Variants in ATAD3B observed in about 807,000 individuals in gnomAD.
ATAD3B encodes the protein ATPase family AAA domain-containing protein 3B.
Under a neutral mutation model 70.2 loss-of-function variants are expected in ATAD3B, and 59 were observed. The ratio of observed to expected loss-of-function variants is 0.84; its 90% CI spans 0.68 to 1.04. ATAD3B has a LOEUF of 1.04. Ranked by LOEUF, ATAD3B falls within the 50% of genes least tolerant of loss-of-function variation. The pLI is 0.00. For synonymous variants in ATAD3B, 423 were observed against 388.6 expected (o/e 1.09, Z -1.04); for missense variants, 961 against 913.4 (o/e 1.05, Z -0.67).
At position 1,495,994 on chromosome 1, in the gene ATAD3B, T is replaced by A. The variant is rs978398900; in HGVS notation, c.*177T>A. On this transcript the variant is annotated 3_prime_UTR_variant, in exon 16 of 16. Coordinates refer to ENST00000673477, the MANE Select transcript of ATAD3B (RefSeq NM_031921.6). ...GGCAGAAGGAGTGGGGCAGGCGGGG[T>A]CTTTGTTCTCGGCTCCCACAGCAGA... 7.4e-7 allele frequency: 1 copy of A among 1,353,790 alleles called. No homozygotes were observed. Among genetic ancestry groups the A allele is most frequent in the Admixed American group, 3.2e-5 (1 of 31,484 alleles). 83.9% of individuals were successfully genotyped at this position (1,353,790 alleles called of 1,614,324 possible). A position where few individuals can be genotyped will look rare whatever the true frequency, so the allele number is the denominator to read the frequency against.
downstream of ATAD3B, among the ~76,000 whole-genome samples, chr1:1,498,167 G>A (rs1640848263): frequency 6.6e-6 from 1 of 151,954 alleles, no homozygotes; most frequent in Admixed American, 6.6e-5. Flanking sequence ...AGCCGGCATG[G>A]TGGTAGGTGA....
chr1:1,493,678 A>G (rs998518108), intron 15 of ATAD3B, among the ~76,000 whole-genome samples: 1 of 151,756 alleles, frequency 6.6e-6, no homozygotes, highest in African/African-American at 2.4e-5. Context: ...CTTTTCCTGC[A>G]TGAGATGAGA....
rs1463367426 is a variant in ATAD3B at position 1,497,032 on chromosome 1, C to T, written c.*1215C>T. 6.7e-6 allele frequency: 1 copy of T among 148,670 alleles called. No homozygotes were observed. Among genetic ancestry groups the T allele is most frequent in the Non-Finnish European group, 1.5e-5 (1 of 67,514 alleles). The allele number at this position is 148,670 out of a possible 1,614,324, so 9.2% of individuals were successfully genotyped here. ...GGTCGATGAAACAATGCTTTCTGAA[C>T]TTTGTGTCCTTAGGAAGGGTGTAGG... On this transcript the variant is annotated 3_prime_UTR_variant, in exon 16 of 16. Coordinates refer to ENST00000673477, the MANE Select transcript of ATAD3B (RefSeq NM_031921.6).
At chr1:1,492,426 C>T (rs994398162) in intron 15 of ATAD3B, among the ~76,000 whole-genome samples, 13 of 151,850 alleles carry the variant, frequency 8.6e-5, no homozygotes, top group South Asian at 8.4e-4. Flanking sequence ...GCAGAGGATG[C>T]GGTGAGCTGA....
At chr1:1,482,676 G>T in intron 7 of ATAD3B, 62 bp downstream of exon 7, 1 of 1,610,022 alleles carries the variant, frequency 6.2e-7, no homozygotes, top group Non-Finnish European at 8.5e-7. Flanking sequence ...GGGGCCTCCT[G>T]GAGCCCCAGG....
Position 1,496,344 on chromosome 1 carries a change from A to G in ATAD3B, c.*527A>G. The G allele has an allele frequency of 1.3e-6, 1 of 750,816 alleles. No individual in the cohort carries two copies. Among genetic ancestry groups the G allele is most frequent in the Non-Finnish European group, 1.6e-6 (1 of 615,256 alleles). The allele number at this position is 750,816 out of a possible 1,614,324, so 46.5% of individuals were successfully genotyped here. A position where few individuals can be genotyped will look rare whatever the true frequency, so the allele number is the denominator to read the frequency against. On this transcript the variant is annotated 3_prime_UTR_variant, in exon 16 of 16. Coordinates refer to ENST00000673477, the MANE Select transcript of ATAD3B (RefSeq NM_031921.6). ...ATCACAGAGCGGTGTGCTTCACATC[A>G]GCCTCGCGCCACATCCGAGTTGGGG...
the ATAD3B span, chr1:1,503,441 G>T: frequency 4.2e-5 from 30 of 716,612 alleles, no homozygotes; most frequent in African/African-American, 5.3e-4. Context: ...GGTCTGACTA[G>T]GAAGGAGGAT....
In ATAD3B at chr1:1,482,875, G is replaced by A. The variant is rs910986446; in HGVS notation, c.750+261G>A. On this transcript the variant is annotated intron_variant, in intron 7 of 15. Transcript: ENST00000673477. ...AACATTAGCTGGGTGTGATGGTGGC[G>A]CCTGTGGTCCTGCTACTCGAGAGGC... Among the ~76,000 whole-genome samples the A allele has an allele frequency of 5.0e-4, 76 of 151,804 alleles. 1 individual carries two copies. The highest frequency in any genetic ancestry group is 2.5e-3 in the Admixed American group (38 of 15,212).
intron 1 of ATAD3B, among the ~76,000 whole-genome samples, chr1:1,473,683 A>T (rs1639447107): frequency 6.6e-6 from 1 of 150,896 alleles, no homozygotes; most frequent in South Asian, 2.1e-4. Flanking sequence ...TTTAGTAGAG[A>T]CGTGGTTTCA....
rs1197052474 is a variant in ATAD3B at position 1,484,762 on chromosome 1, A to G, written c.751-254A>G. 9.5e-6 allele frequency: 10 copies of G among 1,055,048 alleles called. No individual in the cohort carries two copies. The East Asian group carries it at 1.7e-4, about 18-fold the overall frequency. The allele number at this position is 1,055,048 out of a possible 1,614,324, so 65.4% of individuals were successfully genotyped here. ...TGCCCAGGGCCCCGCTCAGCGACCG[A>G]GGCTTTCTAGGATTTATGCTGCCAG... On this transcript the variant is annotated intron_variant, in intron 7 of 15. Transcript: ENST00000673477.
chr1:1,484,097 A>C (rs1000060324), intron 7 of ATAD3B: 2 of 152,138 alleles, frequency 1.3e-5, no homozygotes, highest in African/African-American at 4.8e-5. Context: ...AAACGAGAGA[A>C]GAATCTGAAC....
In ATAD3B at chr1:1,478,104, C is replaced by CT. The variant is rs1639693016; in HGVS notation, c.283-539dup. 4 of 199,768 alleles carry CT rather than the reference C, an allele frequency of 2.0e-5. No individual in the cohort carries two copies. In the East Asian group the frequency reaches 5.1e-4, roughly 25 times the overall value. The allele number at this position is 199,768 out of a possible 1,614,324, so 12.4% of individuals were successfully genotyped here. ...GCAACCTCCACCTCCCGGGTTCAAC[C>CT]TCCTGCCTCAGCCTTCCGAGCAGCT... On this transcript the variant is annotated intron_variant, in intron 2 of 15. Coordinates refer to ENST00000673477, the MANE Select transcript of ATAD3B (RefSeq NM_031921.6).
At chr1:1,499,311 A>G (rs1443497230), downstream of ATAD3B, among the ~76,000 whole-genome samples, 2 of 104,086 alleles carry the variant, frequency 1.9e-5, no homozygotes, top group African/African-American at 7.9e-5. Flanking sequence ...GTCTCGGCTT[A>G]CTGTAACTTC....
At chr1:1,504,437 G>A in the ATAD3B span, among the ~76,000 whole-genome samples, 5 of 152,004 alleles carry the variant, frequency 3.3e-5, no homozygotes, top group East Asian at 7.9e-4. Flanking sequence ...ATCATCTGAG[G>A]TTGGGAGTTC....
At chr1:1,483,284 T>C (rs1478841993) in intron 7 of ATAD3B, among the ~76,000 whole-genome samples, 2 of 151,522 alleles carry the variant, frequency 1.3e-5, no homozygotes, top group Non-Finnish European at 2.9e-5. Flanking sequence ...ATGACCAACA[T>C]GGTGAAACCC....
the ATAD3B span, among the ~76,000 whole-genome samples, chr1:1,508,579 G>A: frequency 2.5e-3 from 378 of 151,562 alleles, 2 homozygotes; most frequent in Admixed American, 4.6e-3. Flanking sequence ...TCCCTTTGGG[G>A]ACTCCATGCC....
At chr1:1,494,490 G>C (rs1640681268) in intron 15 of ATAD3B, among the ~76,000 whole-genome samples, 1 of 151,356 alleles carries the variant, frequency 6.6e-6, no homozygotes, top group Non-Finnish European at 1.5e-5. Flanking sequence ...TGGCGGTCCG[G>C]CTCTGGTCAG....
At chr1:1,489,916 C>T (rs41285828) in intron 13 of ATAD3B, 163,566 of 1,225,594 alleles carry the variant, frequency 0.13, 24,226 homozygotes, top group East Asian at 0.62. Context: ...GACAGGGACT[C>T]TGGGTCCCGC....
intron 7 of ATAD3B, chr1:1,483,880 T>G (rs1389545521): frequency 6.6e-6 from 1 of 152,164 alleles, no homozygotes; most frequent in Non-Finnish European, 1.5e-5. Context: ...CAACACCACC[T>G]GCAACATTCA....
Sources: allele counts gnomAD v4.1 joint callset (sites outside exome capture counted in the v4.1 genomes callset), GRCh38; gene constraint gnomAD v4.1.1; transcripts MANE v1.5; gene names NCBI Gene and HGNC (gene_info 2026-07-23, HGNC 2026-07-21).